The following PAH variants were observed in gnomAD, a reference collection of about 807,000 sequenced individuals.
PAH encodes phenylalanine-4-hydroxylase.
Under a neutral mutation model 62.0 loss-of-function variants are expected in PAH, and 64 were observed. That is an observed-to-expected ratio of 1.03 (90% CI 0.84 to 1.27). PAH has a LOEUF of 1.27. Among genes scored for constraint, PAH ranks in the 50% most tolerant of loss-of-function variants. The probability of loss-of-function intolerance (pLI) is 0.00; values close to 1 mark genes in which losing one functional copy is unlikely to be tolerated. For missense variants in PAH, 579 were observed against 542.8 expected (o/e 1.07, Z -0.66); for synonymous variants, 195 against 196.2 (o/e 0.99, Z 0.05).
At chr12:102,876,817 T>C (rs995835764) in intron 4 of PAH, among the ~76,000 whole-genome samples, 1 of 150,538 alleles carries the variant, frequency 6.6e-6, no homozygotes, top group Admixed American at 6.6e-5. Flanking sequence ...CCTGCCCCCA[T>C]GGCTGCAAGA....
chr12:102,939,583 C>T (rs1177989413), intron 1 of PAH, among the ~76,000 whole-genome samples: 7 of 152,034 alleles, frequency 4.6e-5, no homozygotes, highest in Admixed American at 3.3e-4. Flanking sequence ...TCATTTTGCT[C>T]AGAGCTTCAT....
chr12:102,922,165 T>A (rs1764702543), upstream of PAH, among the ~76,000 whole-genome samples: 1 of 151,484 alleles, frequency 6.6e-6, no homozygotes, highest in East Asian at 1.9e-4. Context: ...ACACAAATAG[T>A]AGCATACTAT....
chr12:102,889,808 C>T (rs77261896), intron 3 of PAH, among the ~76,000 whole-genome samples: 1,679 of 152,244 alleles, frequency 0.011, 48 homozygotes, highest in African/African-American at 0.039. Flanking sequence ...TCTCTCTCCA[C>T]GTAGGAATTT....
chr12:102,873,519 G>A (rs1331650638), intron 4 of PAH, among the ~76,000 whole-genome samples: 1 of 152,188 alleles, frequency 6.6e-6, no homozygotes, highest in African/African-American at 2.4e-5. Flanking sequence ...TTTTTGCTGA[G>A]CAGTTAGCCT....
chr12:102,930,201 T>C (rs1878810512), intron 1 of PAH, among the ~76,000 whole-genome samples: 2 of 152,184 alleles, frequency 1.3e-5, no homozygotes, highest in Non-Finnish European at 2.9e-5. Flanking sequence ...CTTTTTATTT[T>C]ATTTCTGCCA....
chr12:102,872,954 G>A (rs1381630710), intron 4 of PAH, among the ~76,000 whole-genome samples: 1 of 152,186 alleles, frequency 6.6e-6, no homozygotes, highest in Admixed American at 6.5e-5. Context: ...GGCAGCAAGA[G>A]TGAAACTCCA....
At chr12:102,896,877 T>C (rs1877527167) in intron 2 of PAH, among the ~76,000 whole-genome samples, 1 of 152,188 alleles carries the variant, frequency 6.6e-6, no homozygotes, top group South Asian at 2.1e-4. Flanking sequence ...AATGCAAGGA[T>C]GAATAAGATA....
At chr12:102,881,532 A>C (rs904380268) in intron 3 of PAH, among the ~76,000 whole-genome samples, 1 of 152,158 alleles carries the variant, frequency 6.6e-6, no homozygotes, top group Non-Finnish European at 1.5e-5. Context: ...GTGATTAACA[A>C]TAGTCACCAT....
At chr12:102,889,408 T>C (rs1242844065) in intron 3 of PAH, among the ~76,000 whole-genome samples, 2 of 107,064 alleles carry the variant, frequency 1.9e-5, no homozygotes, top group Non-Finnish European at 4.1e-5. Context: ...ACAACATAGA[T>C]AGATAGATAG....
chr12:102,895,448 A>G (rs1020048724), intron 2 of PAH, among the ~76,000 whole-genome samples: 3 of 152,082 alleles, frequency 2.0e-5, no homozygotes, highest in African/African-American at 7.2e-5. Context: ...TCTTAATTAT[A>G]CCTGCTTCAT....
At chr12:102,886,488 G>A (rs1877049414) in intron 3 of PAH, among the ~76,000 whole-genome samples, 1 of 151,998 alleles carries the variant, frequency 6.6e-6, no homozygotes, top group Admixed American at 6.6e-5. Flanking sequence ...TGGCAGGTTG[G>A]CCCCCATATC....
intron 1 of PAH, among the ~76,000 whole-genome samples, chr12:102,939,010 C>T (rs1162497393): frequency 3.3e-5 from 5 of 151,862 alleles, no homozygotes; most frequent in East Asian, 1.9e-4. Flanking sequence ...GGTTGGGGAA[C>T]GCACAAAGAC....
chr12:102,895,872 AT>A (rs1877484838), intron 2 of PAH, among the ~76,000 whole-genome samples: 96 of 130,260 alleles, frequency 7.4e-4, no homozygotes, highest in African/African-American at 2.3e-3. Context: ...AAAAAAAAAT[AT>A]ATATATATAT....
chr12:102,907,895 G>T (rs1482109544), intron 2 of PAH, among the ~76,000 whole-genome samples: 1 of 152,112 alleles, frequency 6.6e-6, no homozygotes, highest in Non-Finnish European at 1.5e-5. Flanking sequence ...TGGGACTACA[G>T]GTGTGAGCCA....
At chr12:102,899,322 C>T (rs1430186431) in intron 2 of PAH, among the ~76,000 whole-genome samples, 1 of 152,114 alleles carries the variant, frequency 6.6e-6, no homozygotes, top group Non-Finnish European at 1.5e-5. Flanking sequence ...GGGAAGCAGA[C>T]CATAGGATAC....
chr12:102,856,018 C>A (rs894985599), intron 5 of PAH, among the ~76,000 whole-genome samples: 1 of 146,906 alleles, frequency 6.8e-6, no homozygotes, highest in African/African-American at 2.5e-5. Context: ...TAATTATATA[C>A]AATTATATAA....
chr12:102,896,560 C>T (rs952013137), intron 2 of PAH, among the ~76,000 whole-genome samples: 1 of 152,052 alleles, frequency 6.6e-6, no homozygotes, highest in Non-Finnish European at 1.5e-5. Context: ...GCAGACAAGA[C>T]GTGAAGGTGG....
intron 8 of PAH, among the ~76,000 whole-genome samples, chr12:102,850,100 T>G (rs1479402127): frequency 6.6e-6 from 1 of 152,160 alleles, no homozygotes; most frequent in Non-Finnish European, 1.5e-5. Flanking sequence ...CAAGGAAAAA[T>G]CTGATTGTTT....
At chr12:102,862,512 A>G (rs528783936) in intron 5 of PAH, among the ~76,000 whole-genome samples, 1 of 152,300 alleles carries the variant, frequency 6.6e-6, no homozygotes, top group Admixed American at 6.5e-5. Flanking sequence ...AAGTTTACCT[A>G]TATGTAAATA....
Sources: allele counts gnomAD v4.1 joint callset (sites outside exome capture counted in the v4.1 genomes callset), GRCh38; gene constraint gnomAD v4.1.1; transcripts MANE v1.5; gene names NCBI Gene and HGNC (gene_info 2026-07-23, HGNC 2026-07-21).